Variants in TINAG observed in about 807,000 individuals in gnomAD.
TINAG encodes the protein tubulointerstitial nephritis antigen.
In TINAG, 83 loss-of-function variants were observed where a neutral mutation model predicts 72.7. That is an observed-to-expected ratio of 1.14 (90% confidence interval 0.96 to 1.37). The LOEUF (loss-of-function observed/expected upper bound fraction) is 1.37. TINAG is among the 40% of genes most tolerant of loss of function. The pLI, the probability that TINAG is intolerant of heterozygous loss-of-function variation, is 0.00. For synonymous variants in TINAG, 234 were observed against 189.9 expected, an observed-to-expected ratio of 1.23 and a Z score of -1.91; for missense variants, 685 against 576.6, an observed-to-expected ratio of 1.19 and a Z score of -1.93.
intron 4 of TINAG, among the ~76,000 whole-genome samples, chr6:54,334,219 G>A (rs1784809525): frequency 2.6e-5 from 4 of 152,192 alleles, no homozygotes; most frequent in Admixed American, 2.6e-4. Flanking sequence ...CCGGGGCAGA[G>A]TGGTGCTTCC....
chr6:54,345,569 T>A (rs1019815993), intron 5 of TINAG, among the ~76,000 whole-genome samples: 10 of 152,162 alleles, frequency 6.6e-5, no homozygotes, highest in Non-Finnish European at 1.0e-4. Context: ...CACCATTTTT[T>A]AAAATTTCGA....
intron 9 of TINAG, among the ~76,000 whole-genome samples, chr6:54,373,058 A>G (rs1239341287): frequency 6.6e-6 from 1 of 152,114 alleles, no homozygotes; most frequent in African/African-American, 2.4e-5. Flanking sequence ...AATGCATTAA[A>G]TATTACTCTT....
intron 4 of TINAG, among the ~76,000 whole-genome samples, chr6:54,340,185 T>A (rs901460412): frequency 3.2e-4 from 49 of 152,130 alleles, no homozygotes; most frequent in Middle Eastern, 3.2e-3. Context: ...ACTGTTCACA[T>A]TGAACATCAA....
intron 10 of TINAG, among the ~76,000 whole-genome samples, chr6:54,385,187 A>G (rs1301552257): frequency 6.6e-6 from 1 of 152,096 alleles, no homozygotes; most frequent in East Asian, 1.9e-4. Context: ...AAGAAAACAG[A>G]CATATTATAA....
intron 9 of TINAG, among the ~76,000 whole-genome samples, chr6:54,362,617 G>T (rs771985296): frequency 6.6e-6 from 1 of 151,592 alleles, no homozygotes; most frequent in African/African-American, 2.4e-5. Flanking sequence ...CATGGAACAA[G>T]AGGTAATTTC....
At chr6:54,313,195 A>G (rs1012453926) in intron 1 of TINAG, among the ~76,000 whole-genome samples, 10 of 152,170 alleles carry the variant, frequency 6.6e-5, no homozygotes. Flanking sequence ...CTATTTTGTC[A>G]TGTTGGTATG....
chr6:54,371,303 T>G (rs1204681961), intron 9 of TINAG, among the ~76,000 whole-genome samples: 1 of 152,058 alleles, frequency 6.6e-6, no homozygotes, highest in Non-Finnish European at 1.5e-5. Flanking sequence ...GTATGATCTC[T>G]CTACATCATG....
intron 4 of TINAG, among the ~76,000 whole-genome samples, chr6:54,329,828 C>T (rs1320785221): frequency 6.6e-6 from 1 of 151,916 alleles, no homozygotes; most frequent in Non-Finnish European, 1.5e-5. Flanking sequence ...CAATCCTGAT[C>T]TCTAATAAAG....
intron 10 of TINAG, among the ~76,000 whole-genome samples, chr6:54,381,573 C>A (rs1763951317): frequency 6.6e-6 from 1 of 151,986 alleles, no homozygotes; most frequent in African/African-American, 2.4e-5. Flanking sequence ...GTTGTTGATA[C>A]ATGGAGGTAT....
intron 1 of TINAG, among the ~76,000 whole-genome samples, chr6:54,311,308 T>G (rs889896297): frequency 6.6e-5 from 10 of 152,266 alleles, no homozygotes; most frequent in Non-Finnish European, 1.5e-4. Flanking sequence ...GTTCCCTCCA[T>G]GGTGGGTGGA....
At chr6:54,324,288 C>G (rs1480404022) in intron 3 of TINAG, among the ~76,000 whole-genome samples, 1 of 152,172 alleles carries the variant, frequency 6.6e-6, no homozygotes, top group African/African-American at 2.4e-5. Context: ...AGAGCCTCAA[C>G]TGAGGCTGAA....
chr6:54,310,506 CTCTT>C (rs1001793135), intron 1 of TINAG, among the ~76,000 whole-genome samples: 16 of 140,434 alleles, frequency 1.1e-4, no homozygotes, highest in African/African-American at 2.6e-4. Context: ...TTCTTTCTTT[CTCTT>C]TCTTTCTTTT....
At chr6:54,343,495 C>T (rs45620541) in intron 5 of TINAG, 146 bp downstream of exon 5, 1 of 881,662 alleles carries the variant, frequency 1.1e-6, no homozygotes, top group Non-Finnish European at 1.5e-6. Context: ...AAGAAAGTAA[C>T]CTGAAGATTA....
chr6:54,313,068 G>A (rs1784294084), intron 1 of TINAG, among the ~76,000 whole-genome samples: 1 of 151,986 alleles, frequency 6.6e-6, no homozygotes, highest in Admixed American at 6.6e-5. Context: ...CTTTGAAAAT[G>A]GAAGGTGTAT....
intron 6 of TINAG, 47 bp from the exon 7 acceptor site, chr6:54,349,669 G>A (rs376323842): frequency 1.4e-4 from 191 of 1,413,090 alleles, no homozygotes; most frequent in Middle Eastern, 3.7e-4. Flanking sequence ...AGGATATTAC[G>A]ACATTCTCCT....
intron 4 of TINAG, among the ~76,000 whole-genome samples, chr6:54,335,445 G>C (rs976384769): frequency 6.6e-6 from 1 of 152,160 alleles, no homozygotes; most frequent in Non-Finnish European, 1.5e-5. Flanking sequence ...ACCAGTAAGA[G>C]TTCTATTACA....
At chr6:54,383,160 T>G (rs1251025847) in intron 10 of TINAG, among the ~76,000 whole-genome samples, 1 of 152,114 alleles carries the variant, frequency 6.6e-6, no homozygotes, top group Non-Finnish European at 1.5e-5. Flanking sequence ...TGGCTACATA[T>G]CTAATTGTCA....
intron 9 of TINAG, among the ~76,000 whole-genome samples, chr6:54,362,285 G>A (rs921918056): frequency 4.6e-5 from 7 of 151,588 alleles, no homozygotes; most frequent in African/African-American, 1.7e-4. Context: ...TAGGGTCTAA[G>A]GTAGCTGGTG....
In TINAG at chr6:54,389,921, C is replaced by G; in HGVS notation, c.1427C>G (p.Pro476Arg). ...AWGQLTSSDE[P>R] The stretch of plus-strand genomic sequence containing the variant: ...GGCCAACTGACGAGTTCTGATGAAC[C>G]ATAACATATCATTAAATTTCCATAA... Residue 476 changes from proline (P) to arginine (R), a missense_variant, in exon 11 of 11, where the codon CCA (proline) becomes CGA (arginine). Pro to Arg is a moderately radical substitution (Grantham distance 103). Transcript: ENST00000259782. The G allele has an allele frequency of 1.2e-6, 2 of 1,607,850 alleles. No homozygotes were observed. The highest frequency in any genetic ancestry group is 1.7e-6 in the Non-Finnish European group (2 of 1,177,936).
Sources: gnomAD v4.1 joint callset for allele counts (sites outside exome capture counted in the v4.1 genomes callset) on GRCh38, gnomAD v4.1.1 for gene constraint, MANE v1.5 for transcripts, NCBI Gene and HGNC (gene_info 2026-07-23, HGNC 2026-07-21) for gene names.